MAGI1: variants seen among roughly 807,000 people sequenced by gnomAD.
MAGI1 encodes membrane-associated guanylate kinase, WW and PDZ domain-containing protein 1.
A neutral mutation model predicts 139.9 loss-of-function variants in MAGI1; 58 were observed. The observed-to-expected ratio is 0.41, with a 90% confidence interval of 0.34 to 0.52. MAGI1 has a LOEUF of 0.52. Ranked by LOEUF, MAGI1 falls within the 20% of genes least tolerant of loss-of-function variation. The pLI is 0.12. For missense variants in MAGI1, 1,874 were observed against 1,901.6 expected (o/e 0.99, Z 0.27); for synonymous variants, 812 against 737.9 (o/e 1.10, Z -1.63).
Position 65,354,526 on chromosome 3 carries a change from G to A in MAGI1, c.*1852C>T, listed in dbSNP as rs1194758968. 6.6e-6 allele frequency: 1 copy of A among 152,576 alleles called. No homozygotes were observed. The highest frequency in any genetic ancestry group is 2.4e-5 in the African/African-American group (1 of 41,442). 9.5% of individuals were successfully genotyped at this position (152,576 alleles called of 1,614,324 possible). On this transcript the variant is annotated 3_prime_UTR_variant, in exon 23 of 23. Transcript: ENST00000402939. Reference sequence around the variant, plus strand: ...GCATTAAGTCCATAGCACACTGCAAGAAATAAATGAGTGAAGAACAGAGAA... The same window carrying A: ...GCATTAAGTCCATAGCACACTGCAAAAAATAAATGAGTGAAGAACAGAGAA...
intron 1 of MAGI1, among the ~76,000 whole-genome samples, chr3:65,802,976 C>T (rs966109977): frequency 6.6e-6 from 1 of 151,466 alleles, no homozygotes; most frequent in Non-Finnish European, 1.5e-5. Flanking sequence ...TAAAGACATC[C>T]ATGTAACCAA....
At chr3:65,982,756 A>C (rs2065655614) in intron 1 of MAGI1, among the ~76,000 whole-genome samples, 1 of 152,138 alleles carries the variant, frequency 6.6e-6, no homozygotes, top group African/African-American at 2.4e-5. Context: ...ATCTAAGCTC[A>C]GTAGGCACCA....
At chr3:65,671,172 T>C (rs1324999251) in intron 1 of MAGI1, among the ~76,000 whole-genome samples, 1 of 152,224 alleles carries the variant, frequency 6.6e-6, no homozygotes, top group East Asian at 1.9e-4. Flanking sequence ...AGACTGATTA[T>C]GTTGCCTAGT....
chr3:65,369,113 G>C (rs1190795760), intron 18 of MAGI1, among the ~76,000 whole-genome samples: 1 of 152,298 alleles, frequency 6.6e-6, no homozygotes, highest in African/African-American at 2.4e-5. Context: ...TCTCACAGGA[G>C]AGAAGGTTCT....
At chr3:65,934,425 G>A (rs1042976435) in intron 1 of MAGI1, among the ~76,000 whole-genome samples, 8 of 151,952 alleles carry the variant, frequency 5.3e-5, no homozygotes, top group African/African-American at 9.7e-5. Flanking sequence ...ACAATAGGTC[G>A]GATAAAGCAG....
intron 1 of MAGI1, among the ~76,000 whole-genome samples, chr3:65,777,502 G>A (rs149346312): frequency 2.2e-4 from 34 of 152,188 alleles, no homozygotes; most frequent in Non-Finnish European, 3.8e-4. Context: ...GGCAAAGTGC[G>A]GTTGCTTACA....
intron 1 of MAGI1, among the ~76,000 whole-genome samples, chr3:65,920,860 C>T (rs1233734607): frequency 6.6e-6 from 1 of 152,084 alleles, no homozygotes; most frequent in Non-Finnish European, 1.5e-5. Context: ...GAAACTCCGT[C>T]TCTACTAAAA....
At chr3:65,859,357 C>A (rs2108434979) in intron 1 of MAGI1, among the ~76,000 whole-genome samples, 1 of 151,872 alleles carries the variant, frequency 6.6e-6, no homozygotes, top group South Asian at 2.1e-4. Context: ...GCATTAGACC[C>A]CTACAAATCA....
At chr3:65,924,344 AG>A (rs2062387078) in intron 1 of MAGI1, among the ~76,000 whole-genome samples, 2 of 152,254 alleles carry the variant, frequency 1.3e-5, no homozygotes, top group South Asian at 4.1e-4. Context: ...GTCGGTCTAC[AG>A]CAGTGGGATT....
chr3:65,493,607 CCTT>C lies in MAGI1; in HGVS notation c.452_454del (p.Glu151del). On this transcript the variant is annotated inframe_deletion, in exon 3 of 23. Transcript: ENST00000402939. ...GTTATAGTCCACGCCAGGCACTTCTCCTTCTCTGGGAGATCGGGTTGTGCCTGT... is the reference window on the plus strand; with the variant it reads ...GTTATAGTCCACGCCAGGCACTTCTCCTCTGGGAGATCGGGTTGTGCCTGT... 1 of 1,614,144 alleles carries C rather than the reference CCTT, an allele frequency of 6.2e-7. No individual in the cohort carries two copies. Among genetic ancestry groups the C allele is most frequent in the Non-Finnish European group, 8.5e-7 (1 of 1,180,008 alleles).
chr3:65,578,935 G>C (rs77347660), intron 2 of MAGI1, among the ~76,000 whole-genome samples: 20,383 of 149,920 alleles, frequency 0.14, 1,693 homozygotes, highest in Middle Eastern at 0.19. Context: ...GAGAGAGAGA[G>C]AGAGAGAGAG....
chr3:65,734,470 A>AG (rs1559831849), intron 1 of MAGI1, among the ~76,000 whole-genome samples: 1 of 151,486 alleles, frequency 6.6e-6, no homozygotes, highest in African/African-American at 2.4e-5. Context: ...GAAAAAAAAA[A>AG]AAAGAAAGAA....
At chr3:65,591,223 T>C (rs2081951600) in intron 2 of MAGI1, among the ~76,000 whole-genome samples, 1 of 152,078 alleles carries the variant, frequency 6.6e-6, no homozygotes, top group African/African-American at 2.4e-5. Context: ...CTCCTGATCT[T>C]AAACTAAGAG....
intron 2 of MAGI1, among the ~76,000 whole-genome samples, chr3:65,609,452 T>A (rs1350650133): frequency 6.6e-6 from 1 of 151,996 alleles, no homozygotes; most frequent in East Asian, 1.9e-4. Flanking sequence ...TAATTTTTTG[T>A]ATTTTTAGGA....
At chr3:65,495,501 T>C (rs1952364610) in intron 2 of MAGI1, among the ~76,000 whole-genome samples, 1 of 152,162 alleles carries the variant, frequency 6.6e-6, no homozygotes, top group Non-Finnish European at 1.5e-5. Flanking sequence ...ATTCAACAAA[T>C]ATTTACTGAG....
chr3:65,795,181 C>CAA (rs2040044035), intron 1 of MAGI1, among the ~76,000 whole-genome samples: 1 of 152,180 alleles, frequency 6.6e-6, no homozygotes, highest in South Asian at 2.1e-4. Context: ...TTCAAACACA[C>CAA]AAAAACATTT....
chr3:65,771,367 T>G (rs2037942780), intron 1 of MAGI1, among the ~76,000 whole-genome samples: 1 of 150,880 alleles, frequency 6.6e-6, no homozygotes, highest in Admixed American at 6.6e-5. Context: ...AGATAGTAGG[T>G]GAATATGAGG....
chr3:65,417,634 A>C (rs562808433), intron 12 of MAGI1, among the ~76,000 whole-genome samples: 2 of 152,194 alleles, frequency 1.3e-5, no homozygotes, highest in South Asian at 4.1e-4. Flanking sequence ...ACAGGCCTGC[A>C]CATTCATGTA....
intron 1 of MAGI1, among the ~76,000 whole-genome samples, chr3:65,860,306 GATTTATGAA>G (rs2059512329): frequency 6.6e-6 from 1 of 152,192 alleles, no homozygotes; most frequent in Non-Finnish European, 1.5e-5. Context: ...AGGCTGCTCA[GATTTATGAA>G]TCGCAAATAA....
Sources: gnomAD v4.1 joint callset for allele counts (sites outside exome capture counted in the v4.1 genomes callset) on GRCh38, gnomAD v4.1.1 for gene constraint, MANE v1.5 for transcripts, NCBI Gene and HGNC (gene_info 2026-07-23, HGNC 2026-07-21) for gene names.